Variants in CLIC5 observed in about 807,000 individuals in gnomAD.
CLIC5 encodes chloride intracellular channel protein 5.
A neutral mutation model predicts 24.7 loss-of-function variants in CLIC5; 20 were observed. The observed-to-expected ratio is 0.81, with a 90% confidence interval of 0.57 to 1.18. The LOEUF is 1.18. CLIC5 is among the 50% of genes most tolerant of loss of function. The pLI is 0.00. For missense variants in CLIC5, 341 were observed against 326.1 expected, an observed-to-expected ratio of 1.05 and a Z score of -0.35; for synonymous variants, 159 against 135.6, an observed-to-expected ratio of 1.17 and a Z score of -1.20.
At chr6:46,116,934 T>C in the CLIC5 span, among the ~76,000 whole-genome samples, 6 of 152,110 alleles carry the variant, frequency 3.9e-5, no homozygotes, top group African/African-American at 1.4e-4. Flanking sequence ...AGAAATAACA[T>C]GGATATAAAG....
At chr6:46,109,433 A>C in the CLIC5 span, among the ~76,000 whole-genome samples, 1 of 147,198 alleles carries the variant, frequency 6.8e-6, no homozygotes. Context: ...TAATCCCAGC[A>C]CTTTGGGAGG....
chr6:46,038,182 A>G (rs1767713994), intron 1 of CLIC5, among the ~76,000 whole-genome samples: 1 of 151,904 alleles, frequency 6.6e-6, no homozygotes, highest in Non-Finnish European at 1.5e-5. Context: ...TTTTCCTTTC[A>G]CTTTCATAAA....
In CLIC5 at chr6:45,899,754, C is replaced by T. The variant is rs1050515346; in HGVS notation, c.*3334G>A. On this transcript the variant is annotated 3_prime_UTR_variant, in exon 6 of 6. Transcript: ENST00000339561. ...CCTGGAAAGTCAGCCTGGGAAAACT[C>T]GCACTTGGTGTGGCCTTTTTCTGAT... is the stretch of plus-strand genomic sequence containing the variant. The T allele has an allele frequency of 2.0e-5, 3 of 152,218 alleles. No homozygotes were observed. Among genetic ancestry groups the T allele is most frequent in the East Asian group, 1.9e-4 (1 of 5,196 alleles). The allele number at this position is 152,218 out of a possible 1,614,324, so 9.4% of individuals were successfully genotyped here. A position where few individuals can be genotyped will look rare whatever the true frequency, so the allele number is the denominator to read the frequency against.
the CLIC5 span, among the ~76,000 whole-genome samples, chr6:46,126,494 T>C: frequency 2.7e-5 from 4 of 149,728 alleles, no homozygotes; most frequent in Admixed American, 2.3e-4. Flanking sequence ...TACAGAATCA[T>C]TTTTTAAAGG....
intron 1 of CLIC5, among the ~76,000 whole-genome samples, chr6:46,004,148 A>C (rs1766458144): frequency 6.6e-6 from 1 of 152,222 alleles, no homozygotes; most frequent in Admixed American, 6.5e-5. Context: ...GTCATACAGG[A>C]GAAGGTTCTT....
chr6:46,080,366 A>G, upstream of CLIC5: 1 of 702,700 alleles, frequency 1.4e-6, no homozygotes, highest in Non-Finnish European at 2.4e-6. Flanking sequence ...AGCAACTAGC[A>G]ACTGCTATCA....
At chr6:45,987,461 G>A (rs1765781455) in intron 1 of CLIC5, among the ~76,000 whole-genome samples, 1 of 152,248 alleles carries the variant, frequency 6.6e-6, no homozygotes, top group Non-Finnish European at 1.5e-5. Flanking sequence ...TTAGCTGACA[G>A]TCAGGGTTGA....
the CLIC5 span, among the ~76,000 whole-genome samples, chr6:46,103,643 AT>A: frequency 0.31 from 47,793 of 151,976 alleles, 7,930 homozygotes; most frequent in Middle Eastern, 0.45. Context: ...GATGGCATAC[AT>A]TTCTTAACTC....
At chr6:46,118,478 A>G in the CLIC5 span, among the ~76,000 whole-genome samples, 6 of 152,202 alleles carry the variant, frequency 3.9e-5, no homozygotes, top group Admixed American at 6.5e-5. Context: ...AACTAGGACT[A>G]TCCTGGGCAC....
chr6:46,082,886 G>C (rs1471640325), upstream of CLIC5, among the ~76,000 whole-genome samples: 1 of 151,836 alleles, frequency 6.6e-6, no homozygotes, highest in African/African-American at 2.4e-5. Flanking sequence ...TTTATTTTCT[G>C]TCTTATCCTA....
At chr6:46,068,145 C>T (rs1000594383) in intron 1 of CLIC5, among the ~76,000 whole-genome samples, 1 of 152,054 alleles carries the variant, frequency 6.6e-6, no homozygotes, top group Non-Finnish European at 1.5e-5. Flanking sequence ...CCAAAGATTG[C>T]CAGAAGCCAA....
the CLIC5 span, among the ~76,000 whole-genome samples, chr6:46,093,275 C>A: frequency 6.6e-6 from 1 of 152,200 alleles, no homozygotes; most frequent in Non-Finnish European, 1.5e-5. Flanking sequence ...TTTTCCAGGT[C>A]AATAACCACA....
At chr6:46,107,598 G>T in the CLIC5 span, among the ~76,000 whole-genome samples, 1 of 152,182 alleles carries the variant, frequency 6.6e-6, no homozygotes, top group African/African-American at 2.4e-5. Flanking sequence ...AAGTACATAA[G>T]AAAAGTAGGA....
rs552841352 is a variant in CLIC5, at chr6:45,958,532, G to T, written c.64-3288C>A. On this transcript the variant is annotated intron_variant, in intron 1 of 5. Coordinates refer to ENST00000339561, the MANE Select transcript of CLIC5 (RefSeq NM_016929.5). ...GATTCTGCTTTGAACATGATTGCCA[G>T]CTATAATCCTAAAGTACTTCCTGTT... Among the ~76,000 whole-genome samples, 4 of 143,884 alleles carry T rather than the reference G, an allele frequency of 2.8e-5. No individual in the cohort carries two copies. In the East Asian group the frequency reaches 6.3e-4, roughly 22 times the overall value. The allele number at this position is 143,884 out of a possible 152,430, so 94.4% of individuals were successfully genotyped here.
At chr6:46,075,057 T>C (rs550545553) in intron 1 of CLIC5, among the ~76,000 whole-genome samples, 27 of 152,358 alleles carry the variant, frequency 1.8e-4, no homozygotes, top group African/African-American at 6.3e-4. Flanking sequence ...CAATAAGTAA[T>C]AATTTAGGCT....
At chr6:46,087,013 A>G in the CLIC5 span, among the ~76,000 whole-genome samples, 3 of 152,088 alleles carry the variant, frequency 2.0e-5, no homozygotes, top group Admixed American at 2.0e-4. Context: ...ATTCTTCACA[A>G]TGCTGTCTCT....
chr6:45,941,168 G>A (rs530249187), intron 4 of CLIC5, among the ~76,000 whole-genome samples: 11 of 152,342 alleles, frequency 7.2e-5, no homozygotes, highest in African/African-American at 2.6e-4. Context: ...CCAGAAGGAA[G>A]CGGGAATATG....
chr6:46,027,753 T>C (rs1271821316), intron 1 of CLIC5, among the ~76,000 whole-genome samples: 1 of 152,224 alleles, frequency 6.6e-6, no homozygotes, highest in African/African-American at 2.4e-5. Flanking sequence ...ATATAAATTT[T>C]TTATCTCAAA....
intron 1 of CLIC5, among the ~76,000 whole-genome samples, chr6:46,022,234 G>C (rs1239471044): frequency 6.6e-6 from 1 of 152,210 alleles, no homozygotes; most frequent in Non-Finnish European, 1.5e-5. Flanking sequence ...TGCTTATGGG[G>C]AGATTTTTCA....
Sources: allele counts gnomAD v4.1 joint callset (sites outside exome capture counted in the v4.1 genomes callset), GRCh38; gene constraint gnomAD v4.1.1; transcripts MANE v1.5; gene names NCBI Gene and HGNC (gene_info 2026-07-23, HGNC 2026-07-21).